SNX6: variants seen among roughly 807,000 people sequenced by gnomAD.
The protein encoded by SNX6 is sorting nexin 6.
SNX6 carries 34 observed loss-of-function variants against 63.0 expected under a neutral mutation model. The ratio of observed to expected loss-of-function variants is 0.54; its 90% CI spans 0.41 to 0.72. The LOEUF is 0.72. Among genes scored for constraint, SNX6 ranks in the 30% least tolerant of loss-of-function variants. The pLI is 0.00. For synonymous variants in SNX6, 170 were observed against 164.2 expected (o/e 1.04, Z -0.27); for missense variants, 398 against 471.4 (o/e 0.84, Z 1.44).
intron 2 of SNX6, among the ~76,000 whole-genome samples, chr14:34,622,195 C>G (rs1883649863): frequency 6.6e-6 from 1 of 150,910 alleles, no homozygotes; most frequent in African/African-American, 2.4e-5. Flanking sequence ...CTCCTTACCT[C>G]AGGTGATCCG....
At chr14:34,581,964 G>C (rs1881956191) in intron 9 of SNX6, among the ~76,000 whole-genome samples, 1 of 152,044 alleles carries the variant, frequency 6.6e-6, no homozygotes, top group African/African-American at 2.4e-5. Flanking sequence ...GAATAGCTGG[G>C]ACTACAGGCG....
intron 9 of SNX6, among the ~76,000 whole-genome samples, chr14:34,584,889 G>A (rs991770837): frequency 6.9e-5 from 10 of 144,360 alleles, no homozygotes; most frequent in Non-Finnish European, 1.0e-4. Flanking sequence ...TTTTGCTCTT[G>A]TTGCCCAGGC....
chr14:34,620,793 T>C (rs1372396591), intron 2 of SNX6, among the ~76,000 whole-genome samples: 1 of 151,616 alleles, frequency 6.6e-6, no homozygotes, highest in African/African-American at 2.4e-5. Context: ...ATACAAAAAT[T>C]AGTTGGGCGT....
At chr14:34,584,899 C>T (rs1211654349) in intron 9 of SNX6, among the ~76,000 whole-genome samples, 2 of 151,750 alleles carry the variant, frequency 1.3e-5, no homozygotes, top group Non-Finnish European at 2.9e-5. Flanking sequence ...GTTGCCCAGG[C>T]TGGAGTGCAA....
At chr14:34,578,937 C>CAAAAAAAAAAAAAAAAAAAA (rs71121210) in intron 10 of SNX6, among the ~76,000 whole-genome samples, 6 of 22,544 alleles carry the variant, frequency 2.7e-4, no homozygotes, top group Non-Finnish European at 3.7e-4. Flanking sequence ...GACTTCATCT[C>CAAAAAAAAAAAAAAAAAAAA]AAAAAAAAAA....
At chr14:34,619,386 C>T (rs1173552788) in intron 2 of SNX6, among the ~76,000 whole-genome samples, 1 of 151,792 alleles carries the variant, frequency 6.6e-6, no homozygotes, top group Non-Finnish European at 1.5e-5. Flanking sequence ...CGCACCACTG[C>T]ACTCCAGCCT....
intron 2 of SNX6, among the ~76,000 whole-genome samples, chr14:34,618,738 T>C (rs1372034331): frequency 1.3e-5 from 2 of 152,072 alleles, no homozygotes; most frequent in East Asian, 3.9e-4. Flanking sequence ...TGCCCCCAGA[T>C]ACGTATCTGC....
chr14:34,609,298 C>T (rs764115577), intron 3 of SNX6, among the ~76,000 whole-genome samples: 3 of 151,136 alleles, frequency 2.0e-5, no homozygotes, highest in Non-Finnish European at 3.0e-5. Context: ...AGTGAAACCC[C>T]GTCTCTACTA....
intron 8 of SNX6, among the ~76,000 whole-genome samples, chr14:34,591,933 T>C (rs1167487891): frequency 1.3e-5 from 2 of 152,222 alleles, no homozygotes; most frequent in Non-Finnish European, 2.9e-5. Context: ...TAAAATGCTT[T>C]TCTAGAGAAC....
intron 7 of SNX6, among the ~76,000 whole-genome samples, chr14:34,596,892 A>C: frequency 6.6e-6 from 1 of 151,982 alleles, no homozygotes; most frequent in East Asian, 2.0e-4. Flanking sequence ...TTGGTCTCGA[A>C]AACTCCTGAC....
chr14:34,593,574 C>CTT (rs397852358), intron 7 of SNX6, among the ~76,000 whole-genome samples: 4 of 131,672 alleles, frequency 3.0e-5, no homozygotes, highest in Non-Finnish European at 1.6e-5. Context: ...AATTTCTTTT[C>CTT]TTTTTTTTTT....
At chr14:34,580,086 A>G (rs1283106989) in intron 10 of SNX6, among the ~76,000 whole-genome samples, 1 of 152,088 alleles carries the variant, frequency 6.6e-6, no homozygotes, top group Non-Finnish European at 1.5e-5. Flanking sequence ...TCAGGAGGCA[A>G]GAGAATCGCT....
At chr14:34,604,961 C>G (rs1194387636) in intron 5 of SNX6, among the ~76,000 whole-genome samples, 1 of 152,084 alleles carries the variant, frequency 6.6e-6, no homozygotes, top group African/African-American at 2.4e-5. Context: ...CCTGTGGCTT[C>G]TGCCCAAAGG....
chr14:34,577,913 G>C (rs1045200641), intron 10 of SNX6, among the ~76,000 whole-genome samples: 1 of 152,078 alleles, frequency 6.6e-6, no homozygotes, highest in African/African-American at 2.4e-5. Context: ...TGTAGAAAAT[G>C]TTAATATTGG....
chr14:34,591,341 T>C (rs998401959), intron 8 of SNX6, among the ~76,000 whole-genome samples: 1 of 152,230 alleles, frequency 6.6e-6, no homozygotes, highest in Admixed American at 6.6e-5. Flanking sequence ...CAATGAATTA[T>C]GCAGATGTTC....
chr14:34,629,608 C>T, intron 2 of SNX6: 1 of 651,990 alleles, frequency 1.5e-6, no homozygotes. Flanking sequence ...CCATCTCCCG[C>T]CTCCATTTCC....
At position 34,593,122 on chromosome 14, in the gene SNX6, C is replaced by G. The variant is rs766507379; in HGVS notation, c.641G>C (p.Arg214Pro). The G allele has an allele frequency of 6.2e-7, 1 of 1,605,104 alleles. No individual in the cohort carries two copies. The highest frequency in any genetic ancestry group is 1.7e-5 in the Admixed American group (1 of 57,712). ...KDVDDFFEHE[R>P]TFLLEYHNRV... is the part of the protein sequence containing the mutation. ...GTTATGATACTCCAAAAGAAATGTT[C>G]GTTCGTGCTCAAAGAAATCATCTAC... Residue 214 changes from arginine (R) to proline (P), a missense_variant, in exon 8 of 14, where the codon CGA (arginine) becomes CCA (proline). Transcript: ENST00000362031.
At chr14:34,574,957 T>TA (rs199792830) in intron 11 of SNX6, among the ~76,000 whole-genome samples, 3,851 of 151,780 alleles carry the variant, frequency 0.025, 84 homozygotes, top group Non-Finnish European at 0.034. Context: ...AATGGCGTGA[T>TA]ATCTGCTCAC....
chr14:34,603,122 GA>G (rs1594733697), intron 6 of SNX6, among the ~76,000 whole-genome samples: 1 of 143,234 alleles, frequency 7.0e-6, no homozygotes, highest in Non-Finnish European at 1.5e-5. Flanking sequence ...CTTCAAAATA[GA>G]AAAAATTAGC....
Sources: allele counts gnomAD v4.1 joint callset (sites outside exome capture counted in the v4.1 genomes callset), GRCh38; gene constraint gnomAD v4.1.1; transcripts MANE v1.5; gene names NCBI Gene and HGNC (gene_info 2026-07-23, HGNC 2026-07-21).